Variants in ERV3-1 observed in about 807,000 individuals in gnomAD.
ERV3-1 encodes the protein endogenous retrovirus group 3 member 1, envelope.
Under a neutral mutation model 24.6 loss-of-function variants are expected in ERV3-1, and 36 were observed. The ratio of observed to expected loss-of-function variants is 1.47; its 90% CI spans 1.12 to 1.94. The LOEUF is 1.94. Ranked by LOEUF, ERV3-1 falls within the 30% of genes most tolerant of loss-of-function variation. The pLI, the probability that ERV3-1 is intolerant of heterozygous loss-of-function variation, is 0.00. For missense variants in ERV3-1, 578 were observed against 330.9 expected, an observed-to-expected ratio of 1.75 and a Z score of -5.79; for synonymous variants, 211 against 122.6, an observed-to-expected ratio of 1.72 and a Z score of -4.76.
At position 65,006,648 on chromosome 7, in the gene ERV3-1, A is replaced by G. The variant is rs1786658774; in HGVS notation, c.-496T>C. 3.9e-6 allele frequency: 6 copies of G among 1,525,820 alleles called. No homozygotes were observed. Among genetic ancestry groups the G allele is most frequent in the Non-Finnish European group, 5.4e-6 (6 of 1,102,524 alleles). 94.5% of individuals were successfully genotyped at this position (1,525,820 alleles called of 1,614,324 possible). A position where few individuals can be genotyped will look rare whatever the true frequency, so the allele number is the denominator to read the frequency against. Reference sequence around the variant, plus strand: ...CCTCTAGGAGCAGAAGACACAGAGCAGTGAAGACTACACCAGAAGCTCCGG... The same window carrying G: ...CCTCTAGGAGCAGAAGACACAGAGCGGTGAAGACTACACCAGAAGCTCCGG... On this transcript the variant is annotated 5_prime_UTR_variant, in exon 1 of 2. Transcript: ENST00000394323.
intron 1 of ERV3-1, chr7:65,006,052 C>T (rs1036069146): frequency 6.2e-6 from 1 of 160,006 alleles, no homozygotes; most frequent in African/African-American, 2.4e-5. Flanking sequence ...CCATAAACCA[C>T]AAACTACAAA....
intron 1 of ERV3-1, among the ~76,000 whole-genome samples, chr7:64,999,884 G>T (rs1786482826): frequency 6.6e-6 from 1 of 152,128 alleles, no homozygotes; most frequent in Admixed American, 6.5e-5. Flanking sequence ...AGACTGATCA[G>T]GGAAGGACTT....
chr7:64,995,226 G>C lies in ERV3-1; in HGVS notation c.-388-1812C>G, dbSNP rs77928277. Among the ~76,000 whole-genome samples, 1,418 of 152,340 alleles carry C rather than the reference G, an allele frequency of 9.3e-3. 18 individuals carry two copies. The highest frequency in any genetic ancestry group is 0.032 in the African/African-American group (1,346 of 41,576). ...TCAATTGTTGCCCCAGGGTCAGTTT[G>C]TCAGCTTCTTGTGTCAATAGGGTGG... is the stretch of plus-strand genomic sequence containing the variant. On this transcript the variant is annotated intron_variant, in intron 1 of 1. Transcript: ENST00000394323.
At chr7:65,000,947 C>T (rs530137923) in intron 1 of ERV3-1, among the ~76,000 whole-genome samples, 11 of 152,148 alleles carry the variant, frequency 7.2e-5, no homozygotes, top group South Asian at 2.1e-4. Flanking sequence ...AAACAGAAGA[C>T]CAAATGCATG....
At chr7:64,999,141 T>A (rs913111283) in intron 1 of ERV3-1, among the ~76,000 whole-genome samples, 1 of 152,070 alleles carries the variant, frequency 6.6e-6, no homozygotes, top group Non-Finnish European at 1.5e-5. Flanking sequence ...TAGCGTGAAG[T>A]CCTGGAATCG....
intron 1 of ERV3-1, chr7:65,003,701 A>G (rs1404433673): frequency 1.3e-5 from 2 of 152,200 alleles, no homozygotes; most frequent in Non-Finnish European, 2.9e-5. Flanking sequence ...ATACAAAAGC[A>G]TTTATTCCTT....
chr7:64,999,599 T>A (rs1273668103), intron 1 of ERV3-1, among the ~76,000 whole-genome samples: 1 of 152,218 alleles, frequency 6.6e-6, no homozygotes, highest in Non-Finnish European at 1.5e-5. Flanking sequence ...ATTTGCAACA[T>A]GACCCTATCT....
Position 64,992,297 on chromosome 7 carries a change from G to C in ERV3-1, c.730C>G (p.Arg244Gly), listed in dbSNP as rs377655142. Residue 244 changes from arginine to glycine, a missense_variant, in exon 2 of 2, where the codon CGG (arginine) becomes GGG (glycine). Arg to Gly is a moderately radical substitution (Grantham distance 125). Transcript: ENST00000394323. ...CGGAACTGTTGGGTTGAGCGGGTCCGAGTTTTCTTTATGATATATAGATAG... is the reference window on the plus strand; with the variant it reads ...CGGAACTGTTGGGTTGAGCGGGTCCCAGTTTTCTTTATGATATATAGATAG... ...YVYLYIIKKTRTRSTQQFRVF... is the reference protein window; with the variant it reads ...YVYLYIIKKTGTRSTQQFRVF... 1.3e-6 allele frequency: 1 copy of C among 766,212 alleles called. No individual in the cohort carries two copies. Among genetic ancestry groups the C allele is most frequent in the Admixed American group, 1.7e-5 (1 of 58,992 alleles). 47.5% of individuals were successfully genotyped at this position (766,212 alleles called of 1,614,324 possible). A position where few individuals can be genotyped will look rare whatever the true frequency, so the allele number is the denominator to read the frequency against.
chr7:65,002,607 C>A (rs1786548714), intron 1 of ERV3-1, among the ~76,000 whole-genome samples: 2 of 152,202 alleles, frequency 1.3e-5, no homozygotes, highest in South Asian at 4.1e-4. Flanking sequence ...GGATTACAGG[C>A]ATGAGCCATT....
intron 1 of ERV3-1, among the ~76,000 whole-genome samples, chr7:65,001,004 A>G (rs972182541): frequency 6.6e-6 from 1 of 152,166 alleles, no homozygotes; most frequent in Admixed American, 6.5e-5. Context: ...CATGGACACA[A>G]AGAGAGAAAC....
At position 64,991,188 on chromosome 7, in the gene ERV3-1, A is replaced by G. The variant is rs1381334396; in HGVS notation, c.*24T>C. ...TAAATCCTCCAAGGGATGAGAACCA[A>G]CCTCTGAAAAGGGAATCTGGAGACT... On this transcript the variant is annotated 3_prime_UTR_variant, in exon 2 of 2. Coordinates refer to ENST00000394323, the MANE Select transcript of ERV3-1 (RefSeq NM_001007253.4). 4.2e-6 allele frequency: 3 copies of G among 720,552 alleles called. No homozygotes were observed. Among genetic ancestry groups the G allele is most frequent in the Non-Finnish European group, 7.6e-6 (3 of 394,944 alleles). The allele number at this position is 720,552 out of a possible 1,614,324, so 44.6% of individuals were successfully genotyped here.
chr7:65,000,507 G>C (rs557054104), intron 1 of ERV3-1, among the ~76,000 whole-genome samples: 1 of 152,278 alleles, frequency 6.6e-6, no homozygotes, highest in East Asian at 1.9e-4. Flanking sequence ...ACAGGCATGA[G>C]CCACTGCATC....
At position 64,991,927 on chromosome 7, in the gene ERV3-1, T is replaced by C. The variant is rs1786276655; in HGVS notation, c.1100A>G (p.Tyr367Cys). ...VGELTCLGQQYYNETLGKTLW... is the reference protein window; with the variant it reads ...VGELTCLGQQCYNETLGKTLW... ...AGTCTTTCCTAGTGTCTCGTTGTAATATTGTTGTCCTAGGCAAGTTAACTC... is the reference window on the plus strand; with the variant it reads ...AGTCTTTCCTAGTGTCTCGTTGTAACATTGTTGTCCTAGGCAAGTTAACTC... Residue 367 changes from tyrosine to cysteine, a missense_variant, in exon 2 of 2, where the codon TAT (tyrosine) becomes TGT (cysteine). By Grantham distance (194) the Tyr-to-Cys change is radical (BLOSUM62 -2). Coordinates refer to ENST00000394323, the MANE Select transcript of ERV3-1 (RefSeq NM_001007253.4). 1 of 766,296 alleles carries C rather than the reference T, an allele frequency of 1.3e-6. No homozygotes were observed. Among genetic ancestry groups the C allele is most frequent in the South Asian group, 1.3e-5 (1 of 74,620 alleles). The allele number at this position is 766,296 out of a possible 1,614,324, so 47.5% of individuals were successfully genotyped here.
intron 1 of ERV3-1, among the ~76,000 whole-genome samples, chr7:64,997,231 CCTCT>C (rs1374756422): frequency 2.0e-5 from 3 of 152,182 alleles, no homozygotes; most frequent in African/African-American, 7.2e-5. Context: ...GTCTGATCAG[CCTCT>C]CTTTGTCTCC....
intron 1 of ERV3-1, chr7:65,003,758 T>C (rs1220648962): frequency 6.6e-6 from 1 of 152,148 alleles, no homozygotes; most frequent in East Asian, 1.9e-4. Flanking sequence ...TAGTAAACAA[T>C]TAGTCATATG....
Position 65,000,379 on chromosome 7 carries a change from C to T in ERV3-1, c.-389+6162G>A, listed in dbSNP as rs543125962. On this transcript the variant is annotated intron_variant, in intron 1 of 1. Transcript: ENST00000394323. ...CTGGGACTACAGGTGCCCACCACCA[C>T]GCCTGGCTAATTTTTTGTATTTTTA... 1.0e-4 allele frequency among the ~76,000 whole-genome samples: 15 copies of T among 143,136 alleles called. No individual in the cohort carries two copies. The South Asian group carries it at 3.1e-3, about 30-fold the overall frequency. The allele number at this position is 143,136 out of a possible 152,430, so 93.9% of individuals were successfully genotyped here. A position where few individuals can be genotyped will look rare whatever the true frequency, so the allele number is the denominator to read the frequency against.
chr7:64,996,088 T>C (rs1562653920), intron 1 of ERV3-1, among the ~76,000 whole-genome samples: 1 of 152,156 alleles, frequency 6.6e-6, no homozygotes, highest in African/African-American at 2.4e-5. Context: ...CTTGCTAGAA[T>C]AAGTCCCATT....
intron 1 of ERV3-1, among the ~76,000 whole-genome samples, chr7:64,993,766 G>C (rs1233554739): frequency 6.6e-6 from 1 of 152,178 alleles, no homozygotes; most frequent in African/African-American, 2.4e-5. Flanking sequence ...GGCAGGACTT[G>C]ATCCCATCTC....
intron 1 of ERV3-1, among the ~76,000 whole-genome samples, chr7:65,002,450 A>G (rs1282871637): frequency 6.6e-5 from 10 of 152,044 alleles, no homozygotes. Flanking sequence ...CAACCTCCAG[A>G]GTAGGTGGGA....
Sources: allele counts gnomAD v4.1 joint callset (sites outside exome capture counted in the v4.1 genomes callset), GRCh38; gene constraint gnomAD v4.1.1; transcripts MANE v1.5; gene names NCBI Gene and HGNC (gene_info 2026-07-23, HGNC 2026-07-21).